The following ABLIM1 variants were observed in gnomAD, a reference collection of about 807,000 sequenced individuals.
ABLIM1 encodes the protein actin binding LIM protein 1, also known as actin-binding LIM protein 1.
Under a neutral mutation model 107.0 loss-of-function variants are expected in ABLIM1, and 40 were observed. The ratio of observed to expected loss-of-function variants is 0.37; its 90% CI spans 0.29 to 0.49. The LOEUF (loss-of-function observed/expected upper bound fraction) is 0.49. Among genes scored for constraint, ABLIM1 ranks in the 20% least tolerant of loss-of-function variants. The pLI, the probability that ABLIM1 is intolerant of heterozygous loss-of-function variation, is 0.97. For synonymous variants in ABLIM1, 357 were observed against 357.3 expected (o/e 1.00, Z 0.01); for missense variants, 857 against 1,008.5 (o/e 0.85, Z 2.04).
At chr10:114,666,247 C>A (rs558351075) in intron 1 of ABLIM1, among the ~76,000 whole-genome samples, 5 of 152,224 alleles carry the variant, frequency 3.3e-5, no homozygotes, top group Admixed American at 3.3e-4. Context: ...TTCTGGATTT[C>A]ATATATTTAT....
chr10:114,783,368 A>G, the ABLIM1 span, among the ~76,000 whole-genome samples: 1 of 152,146 alleles, frequency 6.6e-6, no homozygotes, highest in African/African-American at 2.4e-5. Context: ...AAGTTTTGTC[A>G]GTGAGTTTGA....
chr10:114,639,849 A>G (rs1473417612), intron 1 of ABLIM1, among the ~76,000 whole-genome samples: 1 of 152,182 alleles, frequency 6.6e-6, no homozygotes, highest in East Asian at 1.9e-4. Flanking sequence ...CTGCCCGTGC[A>G]CACAGAGTGT....
Position 114,553,259 on chromosome 10 carries a change from G to A in ABLIM1, c.674-5483C>T, listed in dbSNP as rs140076919. ...CTACCTTCCCAGGCCTGCATGCTTC[G>A]AATGTGTAGAGTCATTTACAAAGGT... On this transcript the variant is annotated intron_variant, in intron 4 of 22. Transcript: ENST00000533213. Among the ~76,000 whole-genome samples the A allele has an allele frequency of 4.3e-3, 662 of 152,288 alleles. 5 individuals carry two copies. The highest frequency in any genetic ancestry group is 0.015 in the African/African-American group (629 of 41,558).
intron 8 of ABLIM1, among the ~76,000 whole-genome samples, chr10:114,481,081 C>T (rs1458820725): frequency 3.3e-5 from 5 of 152,254 alleles, no homozygotes; most frequent in African/African-American, 1.2e-4. Flanking sequence ...AGTCACAGAA[C>T]AAAAATTAAT....
chr10:114,635,548 G>T (rs1451036443), intron 1 of ABLIM1, among the ~76,000 whole-genome samples: 1 of 152,138 alleles, frequency 6.6e-6, no homozygotes, highest in Non-Finnish European at 1.5e-5. Flanking sequence ...GTTTTGAGAC[G>T]GAGTCTCACT....
At chr10:114,713,787 C>T (rs1314587425) in intron 1 of ABLIM1, among the ~76,000 whole-genome samples, 1 of 152,208 alleles carries the variant, frequency 6.6e-6, no homozygotes, top group Non-Finnish European at 1.5e-5. Context: ...AATTCACATA[C>T]ATCTTTCTCT....
intron 8 of ABLIM1, among the ~76,000 whole-genome samples, chr10:114,480,170 C>A (rs7086026): frequency 0.054 from 8,203 of 152,256 alleles, 678 homozygotes; most frequent in African/African-American, 0.18. Context: ...TGATCCTTAC[C>A]TGTAGTTATT....
Position 114,762,492 on chromosome 10 carries a change from A to C in ABLIM1, c.-213+5569T>G, listed in dbSNP as rs1591959212. 2.0e-5 allele frequency among the ~76,000 whole-genome samples: 3 copies of C among 152,346 alleles called. No homozygotes were observed. The South Asian group carries it at 6.2e-4, about 32-fold the overall frequency. On this transcript the variant is annotated intron_variant, in intron 1 of 15. Coordinates refer to the ABLIM1 transcript ENST00000651092. ...AATAAAAATCTATGTCCCTGACTCCAATAAGTGAAATGAATGAGTAGGGAT... is the reference window on the plus strand; with the variant it reads ...AATAAAAATCTATGTCCCTGACTCCCATAAGTGAAATGAATGAGTAGGGAT...
chr10:114,732,489 A>G (rs1281889725), intron 1 of ABLIM1, among the ~76,000 whole-genome samples: 1 of 150,910 alleles, frequency 6.6e-6, no homozygotes, highest in African/African-American at 2.5e-5. Flanking sequence ...CAGATATATG[A>G]TTTGCAAATA....
chr10:114,637,724 T>C (rs1019672100), intron 1 of ABLIM1, among the ~76,000 whole-genome samples: 2 of 152,226 alleles, frequency 1.3e-5, no homozygotes, highest in African/African-American at 4.8e-5. Flanking sequence ...ATCATTTTCC[T>C]ACAAGAGCAG....
At chr10:114,465,383 A>C in intron 12 of ABLIM1, 1 of 190,260 alleles carries the variant, frequency 5.3e-6, no homozygotes. Context: ...TCTTTGGGAG[A>C]TCTCCATTTT....
the ABLIM1 span, among the ~76,000 whole-genome samples, chr10:114,800,770 GGCATGGCGCAT>G: frequency 7.2e-5 from 11 of 152,276 alleles, no homozygotes; most frequent in African/African-American, 2.4e-4. Flanking sequence ...AAATTAGCCA[GGCATGGCGCAT>G]GCCTGTAATC....
chr10:114,789,378 G>A, the ABLIM1 span, among the ~76,000 whole-genome samples: 3 of 152,162 alleles, frequency 2.0e-5, no homozygotes, highest in Non-Finnish European at 4.4e-5. Context: ...ATCTTAATAG[G>A]CATGTACGAC....
chr10:114,556,012 C>A (rs918636651), intron 4 of ABLIM1, among the ~76,000 whole-genome samples: 3 of 151,832 alleles, frequency 2.0e-5, no homozygotes, highest in Non-Finnish European at 2.9e-5. Flanking sequence ...ATAAAATATC[C>A]TTTTAATAGA....
At position 114,622,836 on chromosome 10, in the gene ABLIM1, C is replaced by T. The variant is rs151014012; in HGVS notation, c.245-20875G>A. The stretch of plus-strand genomic sequence containing the variant: ...TGATGATCTACTTCCACCAAATGAA[C>T]AGTAAATATTGTACAGTGGTAGTAA... On this transcript the variant is annotated intron_variant, in intron 1 of 22. Coordinates refer to ENST00000533213, the MANE Select transcript of ABLIM1 (RefSeq NM_002313.7). Among the ~76,000 whole-genome samples, 176 of 152,268 alleles carry T rather than the reference C, an allele frequency of 1.2e-3. 3 individuals are homozygous for T. Among genetic ancestry groups the T allele is most frequent in the African/African-American group, 4.1e-3 (171 of 41,560 alleles).
chr10:114,519,106 G>C (rs1193334535), intron 6 of ABLIM1, among the ~76,000 whole-genome samples: 1 of 152,192 alleles, frequency 6.6e-6, no homozygotes, highest in Non-Finnish European at 1.5e-5. Context: ...ACAGCAAGCA[G>C]AGAAGTAGTT....
chr10:114,705,985 TCATCA>T (rs1298921534), intron 1 of ABLIM1, among the ~76,000 whole-genome samples: 1 of 152,152 alleles, frequency 6.6e-6, no homozygotes, highest in Admixed American at 6.6e-5. Context: ...TACAAGGCAG[TCATCA>T]TTCTTACCCT....
intron 6 of ABLIM1, among the ~76,000 whole-genome samples, chr10:114,532,035 G>A (rs1002805303): frequency 8.6e-5 from 13 of 152,022 alleles, no homozygotes; most frequent in Non-Finnish European, 1.2e-4. Context: ...GGCTCGTCTC[G>A]AACTCCTGGC....
intron 1 of ABLIM1, among the ~76,000 whole-genome samples, chr10:114,751,579 G>A (rs144146837): frequency 2.7e-4 from 41 of 151,692 alleles, no homozygotes; most frequent in African/African-American, 8.9e-4. Flanking sequence ...GTGAAACCCC[G>A]TCTCTACTAA....
Sources: gnomAD v4.1 joint callset for allele counts (sites outside exome capture counted in the v4.1 genomes callset) on GRCh38, gnomAD v4.1.1 for gene constraint, MANE v1.5 for transcripts, NCBI Gene and HGNC (gene_info 2026-07-23, HGNC 2026-07-21) for gene names.